NFATC1: variants seen among roughly 807,000 people sequenced by gnomAD.
NFATC1 encodes nuclear factor of activated T-cells, cytoplasmic 1.
NFATC1 carries 22 observed loss-of-function variants against 76.0 expected under a neutral mutation model. The observed-to-expected ratio is 0.29, with a 90% CI of 0.21 to 0.41. The LOEUF (loss-of-function observed/expected upper bound fraction) is 0.41. NFATC1 is among the 10% of genes least tolerant of loss of function. The pLI, the probability that NFATC1 is intolerant of heterozygous loss-of-function variation, is 1.00. For missense variants in NFATC1, 1,357 were observed against 1,337.7 expected, an observed-to-expected ratio of 1.01 and a Z score of -0.23; for synonymous variants, 704 against 613.1, an observed-to-expected ratio of 1.15 and a Z score of -2.19.
At chr18:79,460,953 C>T (rs2088037522) in intron 6 of NFATC1, among the ~76,000 whole-genome samples, 1 of 152,206 alleles carries the variant, frequency 6.6e-6, no homozygotes, top group African/African-American at 2.4e-5. Flanking sequence ...GAGACCCTCC[C>T]GTGACCTGTC....
At chr18:79,399,796 C>G (rs1280714078) in intron 1 of NFATC1, among the ~76,000 whole-genome samples, 1 of 152,072 alleles carries the variant, frequency 6.6e-6, no homozygotes, top group Non-Finnish European at 1.5e-5. Flanking sequence ...CGCCACGAAC[C>G]CAGCGGGAAT....
intron 8 of NFATC1, among the ~76,000 whole-genome samples, chr18:79,477,858 G>A (rs1001773955): frequency 7.9e-5 from 12 of 152,198 alleles, no homozygotes; most frequent in Non-Finnish European, 1.3e-4. Context: ...CAGGACAGGC[G>A]ATTTGTCTCT....
At chr18:79,502,140 G>C (rs1281635807) in intron 9 of NFATC1, among the ~76,000 whole-genome samples, 1 of 152,212 alleles carries the variant, frequency 6.6e-6, no homozygotes, top group Non-Finnish European at 1.5e-5. Context: ...AGACAGTGTG[G>C]TATTGGCATA....
chr18:79,470,592 G>T (rs189128209), intron 8 of NFATC1: 1 of 152,212 alleles, frequency 6.6e-6, no homozygotes, highest in Admixed American at 6.5e-5. Context: ...TTGGAATCCA[G>T]GTGCCCGAGG....
At chr18:79,467,930 T>G in intron 8 of NFATC1, 3 of 1,074,842 alleles carry the variant, frequency 2.8e-6, no homozygotes, top group African/African-American at 1.7e-5. Flanking sequence ...TAAAGCTGCT[T>G]ACGGTGAAAA....
At chr18:79,408,515 C>G (rs764083280) in intron 1 of NFATC1, among the ~76,000 whole-genome samples, 1 of 152,136 alleles carries the variant, frequency 6.6e-6, no homozygotes, top group Non-Finnish European at 1.5e-5. Flanking sequence ...AGCTGTGTAC[C>G]AGAATCTTCT....
chr18:79,490,226 G>A (rs535729393), intron 9 of NFATC1, among the ~76,000 whole-genome samples: 1 of 152,282 alleles, frequency 6.6e-6, no homozygotes, highest in African/African-American at 2.4e-5. Context: ...CTGAGGTGGT[G>A]CAGGTGGGGT....
chr18:79,453,510 T>G (rs1470124139), intron 6 of NFATC1, among the ~76,000 whole-genome samples: 4 of 152,208 alleles, frequency 2.6e-5, no homozygotes. Context: ...CCTGCCTTCA[T>G]CATCACTGTG....
intron 6 of NFATC1, 101 bp downstream of exon 6, chr18:79,451,917 G>A (rs2087491978): frequency 1.4e-6 from 2 of 1,431,392 alleles, no homozygotes; most frequent in African/African-American, 1.4e-5. Flanking sequence ...CGGTCACCGG[G>A]ACGGGGCTTA....
chr18:79,438,051 C>T (rs1407214117), intron 3 of NFATC1, among the ~76,000 whole-genome samples: 1 of 152,222 alleles, frequency 6.6e-6, no homozygotes, highest in African/African-American at 2.4e-5. Context: ...GGTCCTCCAC[C>T]TGCGTGTTCT....
chr18:79,461,470 T>TCTGCTGGAGCCAC (rs2088091242), intron 7 of NFATC1, 104 bp downstream of exon 7: 587 of 1,035,368 alleles, frequency 5.7e-4, no homozygotes, highest in Non-Finnish European at 6.6e-4. Context: ...GAGGCTGGGG[T>TCTGCTGGAGCCAC]TCCTGTTTCT....
At chr18:79,491,406 C>T (rs935647343) in intron 9 of NFATC1, among the ~76,000 whole-genome samples, 10 of 152,272 alleles carry the variant, frequency 6.6e-5, no homozygotes, top group African/African-American at 1.9e-4. Flanking sequence ...TGGAAAGTGT[C>T]GCTGTGTCTT....
chr18:79,509,271 C>T (rs2090189023), intron 9 of NFATC1, among the ~76,000 whole-genome samples: 1 of 152,242 alleles, frequency 6.6e-6, no homozygotes, highest in South Asian at 2.1e-4. Flanking sequence ...TTGGCACCCA[C>T]ATATGCAGAT....
At chr18:79,441,207 C>T (rs902069933) in intron 3 of NFATC1, among the ~76,000 whole-genome samples, 2 of 152,214 alleles carry the variant, frequency 1.3e-5, no homozygotes, top group African/African-American at 4.8e-5. Flanking sequence ...GAGTGCAGGG[C>T]TGTGGCGCTG....
chr18:79,421,364 G>C (rs1159947191), intron 2 of NFATC1: 1 of 152,310 alleles, frequency 6.6e-6, no homozygotes, highest in East Asian at 1.9e-4. Flanking sequence ...CCCACGGGCA[G>C]ACAGGTCGAG....
At chr18:79,402,006 TCTCCCCGGC>T (rs934245510) in intron 1 of NFATC1, among the ~76,000 whole-genome samples, 28 of 152,194 alleles carry the variant, frequency 1.8e-4, no homozygotes, top group African/African-American at 6.3e-4. Context: ...TGGAGCTGGG[TCTCCCCGGC>T]CTCCCAGGCC....
chr18:79,518,650 A>C (rs2145202811), intron 9 of NFATC1, among the ~76,000 whole-genome samples: 1 of 152,370 alleles, frequency 6.6e-6, no homozygotes, highest in South Asian at 2.1e-4. Context: ...GGCGTGGCCC[A>C]CAGCAAGGCT....
chr18:79,450,904 C>T, intron 4 of NFATC1, 50 bp from the exon 5 acceptor site: 1 of 1,581,900 alleles, frequency 6.3e-7, no homozygotes, highest in Non-Finnish European at 8.6e-7. Context: ...GGCCTTTACG[C>T]TCCCGCGTCA....
chr18:79,523,098 C>A (rs576114630), intron 9 of NFATC1, among the ~76,000 whole-genome samples: 1 of 152,324 alleles, frequency 6.6e-6, no homozygotes, highest in African/African-American at 2.4e-5. Flanking sequence ...CTGCCTTTGC[C>A]GCTCCCGGGG....
Sources: gnomAD v4.1 joint callset for allele counts (sites outside exome capture counted in the v4.1 genomes callset) on GRCh38, gnomAD v4.1.1 for gene constraint, MANE v1.5 for transcripts, NCBI Gene and HGNC (gene_info 2026-07-23, HGNC 2026-07-21) for gene names.